The following ARHGAP26 variants were observed in gnomAD, a reference collection of about 807,000 sequenced individuals.
ARHGAP26 encodes the protein rho GTPase-activating protein 26.
A neutral mutation model predicts 104.8 loss-of-function variants in ARHGAP26; 38 were observed. The ratio of observed to expected loss-of-function variants is 0.36; its 90% confidence interval spans 0.28 to 0.48. The LOEUF (loss-of-function observed/expected upper bound fraction) is 0.48. ARHGAP26 is among the 20% of genes least tolerant of loss of function. The pLI, the probability that ARHGAP26 is intolerant of heterozygous loss-of-function variation, is 0.99. For synonymous variants in ARHGAP26, 341 were observed against 340.0 expected (o/e 1.00, Z -0.03); for missense variants, 704 against 947.9 (o/e 0.74, Z 3.38).
chr5:143,082,441 T>A (rs1598929578), intron 17 of ARHGAP26, among the ~76,000 whole-genome samples: 1 of 152,214 alleles, frequency 6.6e-6, no homozygotes, highest in East Asian at 1.9e-4. Context: ...TAAAAAATAA[T>A]AAAATTAGTT....
At chr5:143,100,022 A>G (rs1281877295) in intron 17 of ARHGAP26, among the ~76,000 whole-genome samples, 1 of 152,220 alleles carries the variant, frequency 6.6e-6, no homozygotes, top group East Asian at 1.9e-4. Flanking sequence ...ACTTCAGACA[A>G]TTTGCCAGAA....
rs544162902 is a variant in ARHGAP26 at position 142,776,825 on chromosome 5, T to TA, written c.154+5917dup. Among the ~76,000 whole-genome samples the TA allele has an allele frequency of 2.6e-5, 4 of 152,324 alleles. No individual in the cohort carries two copies. In the South Asian group the frequency reaches 8.3e-4, roughly 32 times the overall value. ...AGTTTAATTTAAACTTGTGTTTATT[T>TA]AAAAAAACCTACCATACTGTTTTCC... is the stretch of plus-strand genomic sequence containing the variant. On this transcript the variant is annotated intron_variant, in intron 1 of 22. Coordinates refer to ENST00000645722, the MANE Select transcript of ARHGAP26 (RefSeq NM_001135608.3).
intron 20 of ARHGAP26, among the ~76,000 whole-genome samples, chr5:143,194,634 C>G (rs1396872621): frequency 6.6e-6 from 1 of 151,572 alleles, no homozygotes; most frequent in Non-Finnish European, 1.5e-5. Flanking sequence ...TTTTCATTGA[C>G]TTCTCTGTGG....
At chr5:142,810,920 T>C (rs1436467354) in intron 1 of ARHGAP26, among the ~76,000 whole-genome samples, 1 of 152,208 alleles carries the variant, frequency 6.6e-6, no homozygotes, top group African/African-American at 2.4e-5. Flanking sequence ...TTTTGGGAAG[T>C]TCTGTTGTAG....
At chr5:142,942,169 C>A (rs1562122764) in intron 11 of ARHGAP26, among the ~76,000 whole-genome samples, 1 of 152,124 alleles carries the variant, frequency 6.6e-6, no homozygotes, top group Non-Finnish European at 1.5e-5. Context: ...TTATCTGAGA[C>A]CTGAATTCCT....
At chr5:143,085,483 CAG>C (rs1475249679) in intron 17 of ARHGAP26, among the ~76,000 whole-genome samples, 1 of 152,032 alleles carries the variant, frequency 6.6e-6, no homozygotes, top group Non-Finnish European at 1.5e-5. Flanking sequence ...CACAGGAGTA[CAG>C]AGAGGAAAAG....
chr5:142,965,102 GC>G (rs1771079537), intron 11 of ARHGAP26, among the ~76,000 whole-genome samples: 1 of 152,200 alleles, frequency 6.6e-6, no homozygotes, highest in African/African-American at 2.4e-5. Context: ...GACAGCTTAT[GC>G]CATTATTTCT....
intron 1 of ARHGAP26, among the ~76,000 whole-genome samples, chr5:142,849,342 T>C (rs1250429176): frequency 3.2e-4 from 48 of 152,198 alleles, no homozygotes; most frequent in Admixed American, 2.9e-3. Flanking sequence ...ACACCTCTTA[T>C]CTCTCCCCTC....
In ARHGAP26 at chr5:143,057,700, A is replaced by G; in HGVS notation, c.1491A>G (p.Pro497=). 2 of 1,613,996 alleles carry G rather than the reference A, an allele frequency of 1.2e-6. No individual in the cohort carries two copies. Among genetic ancestry groups the G allele is most frequent in the Non-Finnish European group, 8.5e-7 (1 of 1,179,894 alleles). The part of the protein sequence containing the change: ...SEIHSLVHRL[P]EKNRQMLQLL... ...TCCACAGCCTTGTTCATCGGCTCCC[A>G]GAGAAAAATCGGCAGATGTTACAGC... Residue 497 remains proline (P), a synonymous_variant, in exon 17 of 23, where the codon CCA becomes CCG. Transcript: ENST00000645722.
intron 17 of ARHGAP26, among the ~76,000 whole-genome samples, chr5:143,087,065 G>A (rs1790697418): frequency 6.6e-6 from 1 of 152,208 alleles, no homozygotes; most frequent in African/African-American, 2.4e-5. Flanking sequence ...TTGGCATTGT[G>A]ACTCATGTGT....
intron 20 of ARHGAP26, among the ~76,000 whole-genome samples, chr5:143,189,052 T>G (rs962601314): frequency 2.6e-5 from 4 of 152,234 alleles, no homozygotes; most frequent in African/African-American, 9.6e-5. Flanking sequence ...ACAGAATGAC[T>G]TTTTAGCTTT....
At chr5:142,868,011 TGGTG>T (rs1754628508) in intron 1 of ARHGAP26, 6 of 151,918 alleles carry the variant, frequency 3.9e-5, no homozygotes, top group Non-Finnish European at 8.8e-5. Context: ...GGGGATAGAG[TGGTG>T]AGCATGAAGG....
intron 14 of ARHGAP26, among the ~76,000 whole-genome samples, chr5:143,047,958 T>C (rs1216786166): frequency 6.6e-6 from 1 of 152,002 alleles, no homozygotes; most frequent in Non-Finnish European, 1.5e-5. Flanking sequence ...GTGATTCTCA[T>C]GCTTCAGCCT....
intron 11 of ARHGAP26, among the ~76,000 whole-genome samples, chr5:143,007,992 C>T (rs1354513018): frequency 1.3e-5 from 2 of 152,148 alleles, no homozygotes; most frequent in East Asian, 3.9e-4. Context: ...AGCCATTTAT[C>T]CCATAGGGGA....
At chr5:142,918,040 C>A (rs994292306) in intron 10 of ARHGAP26, among the ~76,000 whole-genome samples, 38 of 152,236 alleles carry the variant, frequency 2.5e-4, no homozygotes, top group Admixed American at 9.1e-4. Context: ...AACGAATGAA[C>A]TGAAAATCAA....
chr5:142,861,315 T>A (rs1399851470), intron 1 of ARHGAP26, among the ~76,000 whole-genome samples: 1 of 151,968 alleles, frequency 6.6e-6, no homozygotes, highest in Non-Finnish European at 1.5e-5. Flanking sequence ...CTGGGAATGT[T>A]ATTAGGTGTG....
At chr5:143,087,708 C>T (rs959272568) in intron 17 of ARHGAP26, among the ~76,000 whole-genome samples, 7 of 118,880 alleles carry the variant, frequency 5.9e-5, no homozygotes, top group Non-Finnish European at 1.1e-4. Context: ...TGCAATGGTG[C>T]GATCTCGGCT....
chr5:142,941,231 T>C (rs1037937526), intron 11 of ARHGAP26, among the ~76,000 whole-genome samples: 6 of 152,042 alleles, frequency 3.9e-5, no homozygotes, highest in African/African-American at 1.4e-4. Context: ...CCATCTGCAG[T>C]GTAAATTGTG....
chr5:142,937,624 C>T (rs1013771993), intron 11 of ARHGAP26, among the ~76,000 whole-genome samples: 8 of 152,262 alleles, frequency 5.3e-5, no homozygotes, highest in African/African-American at 1.4e-4. Context: ...TTCATAATAG[C>T]TTGAAACTGG....
Sources: gnomAD v4.1 joint callset for allele counts (sites outside exome capture counted in the v4.1 genomes callset) on GRCh38, gnomAD v4.1.1 for gene constraint, MANE v1.5 for transcripts, NCBI Gene and HGNC (gene_info 2026-07-23, HGNC 2026-07-21) for gene names.